AGBL1: variants seen among roughly 807,000 people sequenced by gnomAD.
AGBL1 encodes the protein AGBL carboxypeptidase 1.
A neutral mutation model predicts 118.9 loss-of-function variants in AGBL1; 130 were observed. The ratio of observed to expected loss-of-function variants is 1.09; its 90% CI spans 0.95 to 1.26. The LOEUF (loss-of-function observed/expected upper bound fraction) is 1.26, where lower values mean the gene tolerates loss of function less well. Ranked by LOEUF, AGBL1 falls within the 50% of genes most tolerant of loss-of-function variation. The pLI, the probability that AGBL1 is intolerant of heterozygous loss-of-function variation, is 0.00. For synonymous variants in AGBL1, 555 were observed against 478.9 expected (o/e 1.16, Z -2.08); for missense variants, 1,584 against 1,298.1 (o/e 1.22, Z -3.38).
intron 5 of AGBL1, among the ~76,000 whole-genome samples, chr15:86,171,803 A>G (rs376966449): frequency 6.6e-6 from 1 of 152,222 alleles, no homozygotes; most frequent in Non-Finnish European, 1.5e-5. Context: ...ATGCCCACCA[A>G]TCAACAAATG....
At chr15:86,926,333 G>A (rs1054218218) in intron 23 of AGBL1, among the ~76,000 whole-genome samples, 8 of 152,178 alleles carry the variant, frequency 5.3e-5, no homozygotes, top group Non-Finnish European at 8.8e-5. Flanking sequence ...AATGCCATTC[G>A]TTCTGGTCCT....
Position 87,012,733 on chromosome 15 carries a change from G to C in AGBL1, c.3324-16092G>C, listed in dbSNP as rs138627213. ...AAATTATTTTTTGGCATTTGGAGCA[G>C]TACAGCAGACTAGATAGGGAGCTAG... On this transcript the variant is annotated intron_variant, in intron 24 of 24. Transcript: ENST00000441037. 1.3e-3 allele frequency among the ~76,000 whole-genome samples: 199 copies of C among 152,012 alleles called. 1 individual carries two copies. The highest frequency in any genetic ancestry group is 1.1e-3 in the Non-Finnish European group (76 of 68,000).
chr15:86,172,045 G>T lies in AGBL1; in HGVS notation c.488+13019G>T, dbSNP rs377142187. Among the ~76,000 whole-genome samples, 5 of 152,312 alleles carry T rather than the reference G, an allele frequency of 3.3e-5. No homozygotes were observed. In the East Asian group the frequency reaches 7.7e-4, roughly 24 times the overall value. Reference sequence around the variant, plus strand: ...TGGACTTTGGAGACTTGGGGAAAGGGTGGGAGGAGTGTAAGGGATAAAAGA... The same window carrying T: ...TGGACTTTGGAGACTTGGGGAAAGGTTGGGAGGAGTGTAAGGGATAAAAGA... On this transcript the variant is annotated intron_variant, in intron 5 of 22. Coordinates refer to ENST00000614907, the MANE Select transcript of AGBL1 (RefSeq NM_001386094.1).
intron 5 of AGBL1, among the ~76,000 whole-genome samples, chr15:86,210,719 T>A (rs2078079033): frequency 6.6e-6 from 1 of 152,214 alleles, no homozygotes. Context: ...ATTCGTCTAA[T>A]CTTTTTTCAA....
intron 17 of AGBL1, among the ~76,000 whole-genome samples, chr15:86,314,693 C>G (rs2079972117): frequency 6.6e-6 from 1 of 152,180 alleles, no homozygotes; most frequent in South Asian, 2.1e-4. Context: ...GTAACAGTGA[C>G]TGGCTTTCCT....
At chr15:86,261,284 C>T (rs578212784) in intron 9 of AGBL1, among the ~76,000 whole-genome samples, 5 of 152,244 alleles carry the variant, frequency 3.3e-5, no homozygotes, top group East Asian at 1.9e-4. Context: ...TCCCTTAGTA[C>T]CACCCTGGGC....
At chr15:86,763,474 G>A (rs951311751) in intron 22 of AGBL1, among the ~76,000 whole-genome samples, 2 of 152,002 alleles carry the variant, frequency 1.3e-5, no homozygotes, top group East Asian at 3.9e-4. Flanking sequence ...CATATTTAAA[G>A]ATGATGGGGA....
At chr15:86,277,866 T>C (rs931294152) in intron 15 of AGBL1, among the ~76,000 whole-genome samples, 1 of 152,242 alleles carries the variant, frequency 6.6e-6, no homozygotes, top group Non-Finnish European at 1.5e-5. Context: ...CACACATATG[T>C]GCTTACAAGT....
chr15:86,863,959 G>A (rs2079592650), intron 22 of AGBL1, among the ~76,000 whole-genome samples: 1 of 152,156 alleles, frequency 6.6e-6, no homozygotes. Flanking sequence ...CTGGGGGATG[G>A]TAGGGTTTCA....
intron 21 of AGBL1, among the ~76,000 whole-genome samples, chr15:86,659,971 C>T (rs1040554232): frequency 1.3e-5 from 2 of 151,962 alleles, no homozygotes; most frequent in Non-Finnish European, 2.9e-5. Context: ...TGCTCATGGA[C>T]TTTGGGGGCC....
At chr15:86,508,507 A>T (rs564280772) in intron 18 of AGBL1, among the ~76,000 whole-genome samples, 1 of 152,236 alleles carries the variant, frequency 6.6e-6, no homozygotes, top group African/African-American at 2.4e-5. Flanking sequence ...ATACATGACT[A>T]TGAACAGTTA....
chr15:86,175,140 T>TTTGTTGTTG (rs1043940605), intron 5 of AGBL1, among the ~76,000 whole-genome samples: 1 of 151,958 alleles, frequency 6.6e-6, no homozygotes, highest in African/African-American at 2.4e-5. Flanking sequence ...GTCCTGAGTT[T>TTTGTTGTTG]TTGTTCTTGT....
intron 17 of AGBL1, among the ~76,000 whole-genome samples, chr15:86,383,456 C>T (rs993212355): frequency 4.6e-5 from 7 of 151,376 alleles, no homozygotes; most frequent in Admixed American, 3.9e-4. Context: ...GGCATGGTGG[C>T]GGCGCCTGTA....
intron 23 of AGBL1, among the ~76,000 whole-genome samples, chr15:86,942,948 C>G (rs1052772020): frequency 3.3e-5 from 5 of 152,162 alleles, no homozygotes; most frequent in African/African-American, 1.2e-4. Flanking sequence ...TGTACCTGTT[C>G]TCACTTTTCA....
At chr15:86,280,321 T>C (rs1229110643) in intron 16 of AGBL1, among the ~76,000 whole-genome samples, 1 of 152,040 alleles carries the variant, frequency 6.6e-6, no homozygotes, top group Admixed American at 6.6e-5. Flanking sequence ...AGTGTAAGAA[T>C]AAAACACTAG....
At chr15:86,623,313 A>G (rs1366105575) in intron 21 of AGBL1, among the ~76,000 whole-genome samples, 1 of 152,190 alleles carries the variant, frequency 6.6e-6, no homozygotes, top group African/African-American at 2.4e-5. Context: ...TGGGGCCATC[A>G]TAAATGCTGG....
chr15:86,083,982 C>T (rs959163540), intron 1 of AGBL1, among the ~76,000 whole-genome samples: 6 of 152,130 alleles, frequency 3.9e-5, no homozygotes, highest in African/African-American at 1.2e-4. Context: ...TTCCAAGGTT[C>T]CCTAGGAAGT....
chr15:86,940,060 C>CTTTTT (rs5814267), intron 23 of AGBL1, among the ~76,000 whole-genome samples: 5 of 59,454 alleles, frequency 8.4e-5, no homozygotes, highest in Non-Finnish European at 1.5e-4. Flanking sequence ...TTTGGTAGTC[C>CTTTTT]TTTTTTTTTT....
intron 21 of AGBL1, among the ~76,000 whole-genome samples, chr15:86,650,365 A>G (rs2085349534): frequency 6.6e-6 from 1 of 152,168 alleles, no homozygotes; most frequent in Non-Finnish European, 1.5e-5. Context: ...AATGGAAGCT[A>G]TATAAATTTA....
Sources: gnomAD v4.1 joint callset for allele counts (sites outside exome capture counted in the v4.1 genomes callset) on GRCh38, gnomAD v4.1.1 for gene constraint, MANE v1.5 for transcripts, NCBI Gene and HGNC (gene_info 2026-07-23, HGNC 2026-07-21) for gene names.